Variants in PRKACB observed in about 807,000 individuals in gnomAD.
PRKACB encodes protein kinase cAMP-activated catalytic subunit beta.
Under a neutral mutation model 51.4 loss-of-function variants are expected in PRKACB, and 16 were observed. That is an observed-to-expected ratio of 0.31 (90% CI 0.21 to 0.47). The LOEUF (loss-of-function observed/expected upper bound fraction) is 0.47, where lower values mean the gene tolerates loss of function less well. PRKACB is among the 20% of genes least tolerant of loss of function. The probability of loss-of-function intolerance (pLI) is 1.00; values close to 1 mark genes in which losing one functional copy is unlikely to be tolerated. For synonymous variants in PRKACB, 147 were observed against 154.4 expected (o/e 0.95, Z 0.35); for missense variants, 309 against 464.5 (o/e 0.67, Z 3.08).
chr1:84,091,930 T>C (rs1648507964), intron 1 of PRKACB, among the ~76,000 whole-genome samples: 1 of 152,182 alleles, frequency 6.6e-6, no homozygotes, highest in African/African-American at 2.4e-5. Flanking sequence ...CGCAGTGATA[T>C]CTGTAACAAT....
chr1:84,179,338 TGTG>T, intron 2 of PRKACB, 100 bp downstream of exon 2: 1 of 1,336,002 alleles, frequency 7.5e-7, no homozygotes, highest in South Asian at 1.8e-5. Context: ...TTAATTTTCA[TGTG>T]GTGTTAGTAA....
intron 1 of PRKACB, among the ~76,000 whole-genome samples, chr1:84,159,321 T>C (rs1252440696): frequency 6.6e-6 from 1 of 152,106 alleles, no homozygotes; most frequent in African/African-American, 2.4e-5. Context: ...TCTTTAGCGT[T>C]CCAGTCTTGT....
chr1:84,175,758 G>C, intron 1 of PRKACB: 1 of 1,536,756 alleles, frequency 6.5e-7, no homozygotes, highest in South Asian at 1.3e-5. Flanking sequence ...TCTTGAATGT[G>C]GGTGAATGTT....
chr1:84,212,419 C>T (rs1223449638), intron 8 of PRKACB, among the ~76,000 whole-genome samples: 1 of 152,152 alleles, frequency 6.6e-6, no homozygotes, highest in Non-Finnish European at 1.5e-5. Context: ...TAAAACCTAT[C>T]TTTGCATGCA....
chr1:84,168,176 T>C (rs886631471), intron 1 of PRKACB, among the ~76,000 whole-genome samples: 3 of 151,578 alleles, frequency 2.0e-5, no homozygotes, highest in African/African-American at 7.3e-5. Flanking sequence ...AAAAGTAGAG[T>C]TGAGCTGTTC....
intron 9 of PRKACB, among the ~76,000 whole-genome samples, chr1:84,220,959 T>G (rs948574309): frequency 6.6e-6 from 1 of 152,164 alleles, no homozygotes; most frequent in South Asian, 2.1e-4. Flanking sequence ...CCTCGTAGAA[T>G]AAGTTAGGAA....
intron 2 of PRKACB, among the ~76,000 whole-genome samples, chr1:84,179,456 T>C (rs1662473782): frequency 6.6e-6 from 1 of 151,930 alleles, no homozygotes. Context: ...GTATAATACC[T>C]AATTATAAAT....
upstream of PRKACB, among the ~76,000 whole-genome samples, chr1:84,142,905 T>C (rs1377076713): frequency 6.6e-6 from 1 of 152,218 alleles, no homozygotes; most frequent in East Asian, 1.9e-4. Context: ...TTTCTATTTT[T>C]TATGTTTGTC....
chr1:84,144,127 T>TAAAA, upstream of PRKACB: 1 of 637,274 alleles, frequency 1.6e-6, no homozygotes, highest in Non-Finnish European at 2.4e-6. Context: ...TAAAGCCTTT[T>TAAAA]AGGCAGATAT....
intron 4 of PRKACB, among the ~76,000 whole-genome samples, chr1:84,184,574 T>A (rs1172104233): frequency 6.6e-6 from 1 of 152,024 alleles, no homozygotes; most frequent in East Asian, 1.9e-4. Context: ...GTCTGAAAAA[T>A]TGTACCACAT....
In PRKACB at chr1:84,184,087, A is replaced by G; in HGVS notation, c.429A>G (p.Leu143=). The G allele has an allele frequency of 6.2e-7, 1 of 1,606,046 alleles. No homozygotes were observed. Among genetic ancestry groups the G allele is most frequent in the Non-Finnish European group, 8.5e-7 (1 of 1,175,822 alleles). Reference sequence around the variant, plus strand: ...ATACTTTGAATGAGAAAAGAATATTACAGGCAGTGAATTTTCCTTTCCTTG... The same window carrying G: ...ATACTTTGAATGAGAAAAGAATATTGCAGGCAGTGAATTTTCCTTTCCTTG... ...IEHTLNEKRI[L]QAVNFPFLVR... Residue 143 remains leucine, a synonymous_variant, in exon 4 of 10, where the codon TTA becomes TTG. Coordinates refer to ENST00000370685, the MANE Select transcript of PRKACB (RefSeq NM_182948.4).
intron 1 of PRKACB, among the ~76,000 whole-genome samples, chr1:84,154,338 A>C (rs1050761303): frequency 6.6e-6 from 1 of 152,100 alleles, no homozygotes; most frequent in East Asian, 1.9e-4. Flanking sequence ...CACTCTGTCG[A>C]CTGTTTTCTT....
intron 1 of PRKACB, among the ~76,000 whole-genome samples, chr1:84,161,141 G>T (rs752168096): frequency 1.3e-5 from 2 of 151,410 alleles, no homozygotes; most frequent in Non-Finnish European, 3.0e-5. Flanking sequence ...GTACTGTGGG[G>T]GCTCTTCTGT....
At chr1:84,091,253 A>G (rs915849445) in intron 1 of PRKACB, among the ~76,000 whole-genome samples, 3 of 152,184 alleles carry the variant, frequency 2.0e-5, no homozygotes, top group South Asian at 4.1e-4. Context: ...GTTACTTACA[A>G]TCAGGTTACA....
chr1:84,179,386 T>C, intron 2 of PRKACB, 148 bp downstream of exon 2: 1 of 955,464 alleles, frequency 1.0e-6, no homozygotes, highest in Non-Finnish European at 1.4e-6. Context: ...GCCATAGTTA[T>C]ACTTTGATGT....
chr1:84,146,083 A>T (rs1654013631), intron 1 of PRKACB, among the ~76,000 whole-genome samples: 1 of 151,932 alleles, frequency 6.6e-6, no homozygotes, highest in East Asian at 1.9e-4. Context: ...AACATATTTT[A>T]AAATCTAGTA....
At chr1:84,086,195 G>T (rs746314596) in intron 1 of PRKACB, 1 of 1,598,178 alleles carries the variant, frequency 6.3e-7, no homozygotes, top group Non-Finnish European at 8.6e-7. Flanking sequence ...CAAAGATGAG[G>T]ATCAGCTGGA....
At chr1:84,080,263 T>A (rs1647419140) in intron 1 of PRKACB, among the ~76,000 whole-genome samples, 1 of 152,198 alleles carries the variant, frequency 6.6e-6, no homozygotes. Flanking sequence ...CAATTCTCCC[T>A]TAGTATTAAT....
chr1:84,212,975 G>A (rs1672349005), intron 8 of PRKACB, among the ~76,000 whole-genome samples: 1 of 152,156 alleles, frequency 6.6e-6, no homozygotes, highest in African/African-American at 2.4e-5. Flanking sequence ...GAGCAACTGA[G>A]GTAATGTAAT....
Sources: allele counts gnomAD v4.1 joint callset (sites outside exome capture counted in the v4.1 genomes callset), GRCh38; gene constraint gnomAD v4.1.1; transcripts MANE v1.5; gene names NCBI Gene and HGNC (gene_info 2026-07-23, HGNC 2026-07-21).